Variants in TPH1 observed in about 807,000 individuals in gnomAD.
The protein encoded by TPH1 is tryptophan hydroxylase 1, also known as tryptophan 5-hydroxylase 1.
A neutral mutation model predicts 49.5 loss-of-function variants in TPH1; 37 were observed. That is an observed-to-expected ratio of 0.75 (90% CI 0.58 to 0.98). The LOEUF (loss-of-function observed/expected upper bound fraction) is 0.98. Among genes scored for constraint, TPH1 ranks in the 50% least tolerant of loss-of-function variants. The pLI, the probability that TPH1 is intolerant of heterozygous loss-of-function variation, is 0.00. For synonymous variants in TPH1, 160 were observed against 182.1 expected, an observed-to-expected ratio of 0.88 and a Z score of 0.98; for missense variants, 487 against 523.6, an observed-to-expected ratio of 0.93 and a Z score of 0.68.
At position 18,021,120 on chromosome 11, in the gene TPH1, ATTATAC is replaced by A. The variant is rs772002921; in HGVS notation, c.1200_1205del (p.Lys400_Tyr401del). The A allele has an allele frequency of 6.2e-7, 1 of 1,614,052 alleles. No homozygotes were observed. Among genetic ancestry groups the A allele is most frequent in the Non-Finnish European group, 8.5e-7 (1 of 1,179,916 alleles). On this transcript the variant is annotated inframe_deletion, in exon 11 of 11. Transcript: ENST00000682019. ...GGATCTGAATACTCCGTGTATATGG[ATTATAC>A]TTCACTCCAAATGGACGCTTAATTG...
At chr11:18,022,240 C>T (rs936014664) in intron 10 of TPH1, among the ~76,000 whole-genome samples, 1 of 152,228 alleles carries the variant, frequency 6.6e-6, no homozygotes, top group African/African-American at 2.4e-5. Flanking sequence ...CAATATCCTC[C>T]TTTCTTAACC....
chr11:18,038,459 G>A (rs773445064), intron 2 of TPH1, among the ~76,000 whole-genome samples: 7 of 152,092 alleles, frequency 4.6e-5, no homozygotes, highest in East Asian at 1.9e-4. Flanking sequence ...ACTAATATAC[G>A]CACACACAAA....
At chr11:18,021,267 T>A in intron 10 of TPH1, 102 bp from the exon 11 acceptor site, 1 of 1,194,102 alleles carries the variant, frequency 8.4e-7, no homozygotes, top group Non-Finnish European at 1.2e-6. Flanking sequence ...AAAAAACAAA[T>A]TCTTGTTAGA....
At chr11:18,029,098 A>AAAG in intron 6 of TPH1, 67 bp downstream of exon 6, 1 of 1,096,188 alleles carries the variant, frequency 9.1e-7, no homozygotes, top group East Asian at 2.5e-5. Flanking sequence ...AAAAAAAAAA[A>AAAG]AAAAATGCTG....
At position 18,022,982 on chromosome 11, in the gene TPH1, A is replaced by C. The variant is rs768863380; in HGVS notation, c.1027-51T>G. 5 of 1,598,620 alleles carry C rather than the reference A, an allele frequency of 3.1e-6. No homozygotes were observed. The Admixed American group carries it at 6.7e-5, about 21-fold the overall frequency. On this transcript the variant is annotated intron_variant, in intron 9 of 10. Coordinates refer to ENST00000682019, the MANE Select transcript of TPH1 (RefSeq NM_004179.3). ...AAAGAATAATATCTATTTTTCATAG[A>C]TCATGCAACTTCCATAATTGGCTCA...
chr11:18,045,215 G>A (rs1240342866), intron 1 of TPH1, among the ~76,000 whole-genome samples: 1 of 152,198 alleles, frequency 6.6e-6, no homozygotes, highest in African/African-American at 2.4e-5. Flanking sequence ...TTCAGAGGGA[G>A]GGAATCCTCT....
chr11:18,022,654 C>T (rs1590259237), intron 10 of TPH1, 144 bp downstream of exon 10: 2 of 824,180 alleles, frequency 2.4e-6, no homozygotes, highest in East Asian at 2.7e-5. Context: ...ACTCTAGATA[C>T]TTGTTATGAA....
At chr11:18,032,528 T>C (rs899944822) in intron 4 of TPH1, among the ~76,000 whole-genome samples, 1 of 150,552 alleles carries the variant, frequency 6.6e-6, no homozygotes, top group African/African-American at 2.4e-5. Context: ...TACTAACACT[T>C]GTTGAAATCT....
At chr11:18,035,931 AAGT>A in intron 3 of TPH1, 25 bp downstream of exon 3, 3 of 1,565,284 alleles carry the variant, frequency 1.9e-6, no homozygotes, top group Non-Finnish European at 2.6e-6. Flanking sequence ...TTCATCTTCT[AAGT>A]AGTATTTTCA....
chr11:18,023,071 C>G (rs993817800), intron 9 of TPH1, 140 bp from the exon 10 acceptor site: 2 of 924,496 alleles, frequency 2.2e-6, no homozygotes, highest in African/African-American at 3.3e-5. Flanking sequence ...TCCTATAGCT[C>G]TATTCAACCC....
At chr11:18,042,341 A>G (rs1392539554) in intron 1 of TPH1, 2 of 453,910 alleles carry the variant, frequency 4.4e-6, no homozygotes, top group Admixed American at 4.7e-5. Context: ...AGGGATGTGA[A>G]AACTTTCAGA....
At chr11:18,036,163 A>C (rs1848046952) in intron 2 of TPH1, 21 bp from the exon 3 acceptor site, 1 of 1,591,812 alleles carries the variant, frequency 6.3e-7, no homozygotes, top group Non-Finnish European at 8.6e-7. Context: ...CACAGGGAAA[A>C]GATTTCATGT....
chr11:18,040,996 T>G, intron 1 of TPH1: 1 of 413,190 alleles, frequency 2.4e-6, no homozygotes, highest in African/African-American at 2.1e-5. Flanking sequence ...GAATACATGT[T>G]AGTAGTTCCC....
chr11:18,041,834 T>A (rs1848100544), intron 1 of TPH1, among the ~76,000 whole-genome samples: 1 of 152,230 alleles, frequency 6.6e-6, no homozygotes, highest in African/African-American at 2.4e-5. Flanking sequence ...AAATAATTAC[T>A]AATGGTAAAA....
Position 18,033,382 on chromosome 11 carries a change from AT to A in TPH1, c.302-9del, listed in dbSNP as rs1564858275. The A allele has an allele frequency of 8.2e-6, 13 of 1,586,134 alleles. No individual in the cohort carries two copies. Among genetic ancestry groups the A allele is most frequent in the Non-Finnish European group, 1.1e-5 (13 of 1,155,836 alleles). ...AAGGAACAGTTTCCATACCTGTAAA[AT>A]TTAAAATAAAATAAAATAAAAACCA... is the stretch of plus-strand genomic sequence containing the variant. On this transcript the variant is annotated splice_polypyrimidine_tract_variant and intron_variant, in intron 3 of 10. Transcript: ENST00000682019.
At chr11:18,044,193 G>A (rs1199749358) in intron 1 of TPH1, among the ~76,000 whole-genome samples, 1 of 152,188 alleles carries the variant, frequency 6.6e-6, no homozygotes, top group African/African-American at 2.4e-5. Flanking sequence ...GGAGGCCGAG[G>A]CGGGCGAATC....
chr11:18,039,448 C>G (rs1385321985), intron 2 of TPH1, among the ~76,000 whole-genome samples: 3 of 152,158 alleles, frequency 2.0e-5, no homozygotes, highest in Non-Finnish European at 4.4e-5. Context: ...CTCTGGAGAC[C>G]AGAGCTTAAC....
chr11:18,042,477 A>T (rs1848107113), intron 1 of TPH1: 2 of 368,334 alleles, frequency 5.4e-6, no homozygotes, highest in South Asian at 4.1e-5. Flanking sequence ...AATATAACAA[A>T]TTGCTAGTAA....
intron 2 of TPH1, among the ~76,000 whole-genome samples, chr11:18,039,043 C>T (rs191877029): frequency 3.9e-5 from 6 of 152,148 alleles, no homozygotes; most frequent in South Asian, 2.1e-4. Context: ...AAAAAACTAA[C>T]GACCAGAAAT....
Sources: allele counts gnomAD v4.1 joint callset (sites outside exome capture counted in the v4.1 genomes callset), GRCh38; gene constraint gnomAD v4.1.1; transcripts MANE v1.5; gene names NCBI Gene and HGNC (gene_info 2026-07-23, HGNC 2026-07-21).